UGT1A7: variants seen among roughly 807,000 people sequenced by gnomAD.
UGT1A7 encodes the protein UDP-glucuronosyltransferase 1A7.
In UGT1A7, 33 loss-of-function variants were observed where a neutral mutation model predicts 45.6. That is an observed-to-expected ratio of 0.72 (90% confidence interval 0.55 to 0.97). The LOEUF is 0.97. UGT1A7 is among the 50% of genes least tolerant of loss of function. UGT1A7 has a pLI of 0.00. For missense variants in UGT1A7, 684 were observed against 666.2 expected, an observed-to-expected ratio of 1.03 and a Z score of -0.29; for synonymous variants, 274 against 250.6, an observed-to-expected ratio of 1.09 and a Z score of -0.88.
chr2:233,690,436 C>T (rs1323004872), intron 1 of UGT1A7: 2 of 1,271,186 alleles, frequency 1.6e-6, no homozygotes, highest in African/African-American at 1.5e-5. Flanking sequence ...ATCTTTGGGT[C>T]TCTCCTCTAT....
At chr2:233,753,147 TA>T (rs1254691339) in intron 1 of UGT1A7, 35 of 152,236 alleles carry the variant, frequency 2.3e-4, no homozygotes, top group African/African-American at 7.5e-4. Context: ...TTCACACATG[TA>T]AGTTCCCTTA....
chr2:233,765,711 TTAA>T (rs10664358), intron 1 of UGT1A7, among the ~76,000 whole-genome samples: 5,413 of 149,254 alleles, frequency 0.036, 331 homozygotes, highest in African/African-American at 0.13. Context: ...ATAATAATAA[TTAA>T]TAATAATAAT....
Position 233,734,706 on chromosome 2 carries a change from A to G in UGT1A7, c.856-32328A>G, listed in dbSNP as rs368011286. 3.0e-4 allele frequency among the ~76,000 whole-genome samples: 45 copies of G among 151,692 alleles called. No individual in the cohort carries two copies. In the South Asian group the frequency reaches 8.6e-3, roughly 29 times the overall value. Reference sequence around the variant, plus strand: ...TTAAATGTGTCCCAGAGATTCTGGTATGTTGTGTCTTTGTTCTCGTCGGTT... The same window carrying G: ...TTAAATGTGTCCCAGAGATTCTGGTGTGTTGTGTCTTTGTTCTCGTCGGTT... On this transcript the variant is annotated intron_variant, in intron 1 of 4. Coordinates refer to ENST00000373426, the MANE Select transcript of UGT1A7 (RefSeq NM_019077.3).
rs1350270227 is a variant in UGT1A7 at position 233,745,087 on chromosome 2, TC to T, written c.856-21941del. On this transcript the variant is annotated intron_variant, in intron 1 of 4. Transcript: ENST00000373426. Reference sequence around the variant, plus strand: ...ATTTGTATTGTTTTTTCATTGCTCTTCCCCCCAAATATTTTTAATCTGCTGT... The same window carrying T: ...ATTTGTATTGTTTTTTCATTGCTCTTCCCCCAAATATTTTTAATCTGCTGT... 1.1e-4 allele frequency among the ~76,000 whole-genome samples: 17 copies of T among 151,820 alleles called. 1 individual carries two copies. Among genetic ancestry groups the T allele is most frequent in the African/African-American group, 4.1e-4 (17 of 41,100 alleles).
chr2:233,766,518 A>G (rs542510910), intron 1 of UGT1A7, among the ~76,000 whole-genome samples: 1 of 152,214 alleles, frequency 6.6e-6, no homozygotes, highest in East Asian at 1.9e-4. Context: ...GGGAAATGAA[A>G]CATTTAGGCA....
chr2:233,751,748 T>C (rs1261704160), intron 1 of UGT1A7, among the ~76,000 whole-genome samples: 3 of 152,220 alleles, frequency 2.0e-5, no homozygotes, highest in African/African-American at 7.2e-5. Flanking sequence ...TCTCTCTTGC[T>C]TGCTGCCATG....
At chr2:233,770,709 G>A (rs1700141819) in intron 4 of UGT1A7, 2 of 151,546 alleles carry the variant, frequency 1.3e-5, no homozygotes, top group East Asian at 3.9e-4. Context: ...TAAGGTTTAT[G>A]TAAAAGGAAG....
rs1394125690 is a variant in UGT1A7 at position 233,682,660 on chromosome 2, A to G, written c.723A>G (p.Ala241=). 1 of 1,613,880 alleles carries G rather than the reference A, an allele frequency of 6.2e-7. No homozygotes were observed. The highest frequency in any genetic ancestry group is 1.7e-5 in the Admixed American group (1 of 60,016). Residue 241 remains alanine (A), a synonymous_variant, in exon 1 of 5, where the codon GCA becomes GCG. Coordinates refer to ENST00000373426, the MANE Select transcript of UGT1A7 (RefSeq NM_019077.3). ...ASEILQTPVT[A]YDLYSHTSIW... ...AAATTCTCCAAACCCCTGTCACGGCATATGATCTCTACAGCCACACATCAA... is the reference window on the plus strand; with the variant it reads ...AAATTCTCCAAACCCCTGTCACGGCGTATGATCTCTACAGCCACACATCAA...
rs369417360 is a variant in UGT1A7, at chr2:233,713,137, G to A, written c.855+30345G>A. The A allele has an allele frequency of 3.5e-5, 57 of 1,614,192 alleles. No homozygotes were observed. The South Asian group carries it at 5.3e-4, about 15-fold the overall frequency. ...TGGCTCAGCATGCGGGAGGCCTTGC[G>A]GGACCTCCATGCGAGAGGCCACCAG... On this transcript the variant is annotated intron_variant, in intron 1 of 4. Transcript: ENST00000373426.
intron 1 of UGT1A7, among the ~76,000 whole-genome samples, chr2:233,724,278 G>C (rs1355966734): frequency 3.9e-5 from 5 of 129,306 alleles, no homozygotes; most frequent in East Asian, 2.5e-4. Flanking sequence ...GCGGCTGGCC[G>C]GGCGGGGGGC....
At chr2:233,688,354 A>G (rs1005613406) in intron 1 of UGT1A7, among the ~76,000 whole-genome samples, 2 of 152,210 alleles carry the variant, frequency 1.3e-5, no homozygotes, top group Non-Finnish European at 2.9e-5. Context: ...GCCATGAAAA[A>G]TAATGTTGTT....
chr2:233,769,742 C>A lies in UGT1A7; in HGVS notation c.1295+1303C>A, dbSNP rs2126047976. 6.9e-7 allele frequency: 1 copy of A among 1,450,742 alleles called. No individual in the cohort carries two copies. Among genetic ancestry groups the A allele is most frequent in the Non-Finnish European group, 9.1e-7 (1 of 1,100,114 alleles). The allele number at this position is 1,450,742 out of a possible 1,614,324, so 89.9% of individuals were successfully genotyped here. ...CCATGGCACACGCCTGTAGTCCCAG[C>A]CACTCTGGAGGCTAAGGCGGGAGGA... On this transcript the variant is annotated intron_variant, in intron 4 of 4. Coordinates refer to ENST00000373426, the MANE Select transcript of UGT1A7 (RefSeq NM_019077.3). This position sits in a 1 kb window ranked among gnomAD's most constrained non-coding sequence, Gnocchi z 4.4.
intron 1 of UGT1A7, among the ~76,000 whole-genome samples, chr2:233,759,775 C>T (rs756322145): frequency 1.3e-5 from 2 of 152,048 alleles, no homozygotes; most frequent in African/African-American, 4.8e-5. Context: ...TATTGTTGGA[C>T]GAAGGAATGA....
At chr2:233,738,284 C>T (rs1690749854) in intron 1 of UGT1A7, among the ~76,000 whole-genome samples, 1 of 152,160 alleles carries the variant, frequency 6.6e-6, no homozygotes, top group Non-Finnish European at 1.5e-5. Context: ...TTATAAATTA[C>T]CCAGTCTTGG....
intron 1 of UGT1A7, among the ~76,000 whole-genome samples, chr2:233,714,428 C>T (rs2076386615): frequency 6.6e-6 from 1 of 152,106 alleles, no homozygotes; most frequent in African/African-American, 2.4e-5. Context: ...GAGAATGAAA[C>T]ACAGAGTTCA....
chr2:233,761,546 G>A (rs1697796734), intron 1 of UGT1A7, among the ~76,000 whole-genome samples: 1 of 152,224 alleles, frequency 6.6e-6, no homozygotes, highest in Admixed American at 6.5e-5. Flanking sequence ...ATTCTTTGAT[G>A]ATGATAGATC....
chr2:233,736,308 T>C (rs1250743024), intron 1 of UGT1A7, among the ~76,000 whole-genome samples: 1 of 152,222 alleles, frequency 6.6e-6, no homozygotes, highest in African/African-American at 2.4e-5. Flanking sequence ...TAATCAGCTA[T>C]TGAATTTTGT....
At position 233,769,512 on chromosome 2, in the gene UGT1A7, C is replaced by T; in HGVS notation, c.1295+1073C>T. ...TTATGAGAGTGTCCATTGCTTTCTCCCATGGTTACCTCCTTTAGAAAGAAG... is the reference window on the plus strand; with the variant it reads ...TTATGAGAGTGTCCATTGCTTTCTCTCATGGTTACCTCCTTTAGAAAGAAG... On this transcript the variant is annotated intron_variant, in intron 4 of 4. Transcript: ENST00000373426. This position sits in a 1 kb window ranked among gnomAD's most constrained non-coding sequence, Gnocchi z 4.4. 1 of 1,612,734 alleles carries T rather than the reference C, an allele frequency of 6.2e-7. No homozygotes were observed. The highest frequency in any genetic ancestry group is 8.5e-7 in the Non-Finnish European group (1 of 1,179,852).
chr2:233,756,338 C>G (rs1225810729), intron 1 of UGT1A7: 2 of 152,178 alleles, frequency 1.3e-5, no homozygotes, highest in Non-Finnish European at 2.9e-5. Flanking sequence ...CTAGTCATCT[C>G]TTGATTACTT....
Sources: gnomAD v4.1 joint callset for allele counts (sites outside exome capture counted in the v4.1 genomes callset) on GRCh38, gnomAD v4.1.1 for gene constraint, Gnocchi (gnomAD v3.1) non-coding constraint, MANE v1.5 for transcripts, NCBI Gene and HGNC (gene_info 2026-07-23, HGNC 2026-07-21) for gene names.